CDH2: variants seen among roughly 807,000 people sequenced by gnomAD.
CDH2 encodes cadherin 2, also known as cadherin-2.
Under a neutral mutation model 92.0 loss-of-function variants are expected in CDH2, and 17 were observed. That is an observed-to-expected ratio of 0.18 (90% CI 0.13 to 0.28). The LOEUF (loss-of-function observed/expected upper bound fraction) is 0.28. CDH2 is among the 10% of genes least tolerant of loss of function. CDH2 has a pLI of 1.00. For synonymous variants in CDH2, 419 were observed against 415.9 expected (o/e 1.01, Z -0.09); for missense variants, 862 against 1,133.1 (o/e 0.76, Z 3.44).
chr18:28,161,942 C>T (rs2016312607), intron 1 of CDH2, among the ~76,000 whole-genome samples: 1 of 152,150 alleles, frequency 6.6e-6, no homozygotes, highest in South Asian at 2.1e-4. Flanking sequence ...AGCTATAGGT[C>T]CGTAAGCTTC....
intron 2 of CDH2, among the ~76,000 whole-genome samples, chr18:28,094,364 T>C (rs1029545803): frequency 2.6e-5 from 4 of 152,038 alleles, no homozygotes; most frequent in African/African-American, 7.2e-5. Flanking sequence ...GGTGCAAGTC[T>C]GTAGTCCCAG....
chr18:27,997,879 T>C (rs2012634616), intron 7 of CDH2, among the ~76,000 whole-genome samples: 1 of 152,028 alleles, frequency 6.6e-6, no homozygotes, highest in Non-Finnish European at 1.5e-5. Context: ...CAATCTCGGC[T>C]CACTGCAAGC....
chr18:27,961,309 C>T (rs1015728581), intron 15 of CDH2, among the ~76,000 whole-genome samples: 7 of 151,116 alleles, frequency 4.6e-5, no homozygotes, highest in African/African-American at 7.3e-5. Context: ...CAAGAAATAG[C>T]GCTTGTCCTG....
At chr18:28,153,843 G>A (rs1438832511) in intron 1 of CDH2, among the ~76,000 whole-genome samples, 1 of 152,118 alleles carries the variant, frequency 6.6e-6, no homozygotes, top group East Asian at 1.9e-4. Context: ...ATACTATTGG[G>A]GCAACACGAA....
chr18:28,085,133 C>A (rs370161072), intron 2 of CDH2, among the ~76,000 whole-genome samples: 1 of 152,150 alleles, frequency 6.6e-6, no homozygotes, highest in African/African-American at 2.4e-5. Context: ...TCTAGAGAGA[C>A]AGATTATCCT....
chr18:28,138,251 C>G (rs2015897152), intron 2 of CDH2, among the ~76,000 whole-genome samples: 1 of 152,014 alleles, frequency 6.6e-6, no homozygotes. Context: ...ACCAAAAGGT[C>G]TAACATTTAT....
intron 15 of CDH2, among the ~76,000 whole-genome samples, chr18:27,955,378 AAAAAAAAG>A (rs1909656533): frequency 1.0e-5 from 1 of 95,474 alleles, no homozygotes; most frequent in Non-Finnish European, 2.6e-5. Flanking sequence ...GTAAAAAAAA[AAAAAAAAG>A]AAAAAGAAAG....
intron 2 of CDH2, among the ~76,000 whole-genome samples, chr18:28,093,895 T>A (rs961139391): frequency 6.6e-6 from 1 of 152,130 alleles, no homozygotes; most frequent in African/African-American, 2.4e-5. Context: ...CCCTGAGGCA[T>A]GTTTGGAGGT....
chr18:27,966,103 C>T (rs2011529686), intron 14 of CDH2, among the ~76,000 whole-genome samples: 1 of 149,180 alleles, frequency 6.7e-6, no homozygotes, highest in African/African-American at 2.5e-5. Flanking sequence ...AACTACCAAG[C>T]ACAACAGAGT....
intron 2 of CDH2, among the ~76,000 whole-genome samples, chr18:28,029,682 A>G (rs766974099): frequency 6.6e-6 from 1 of 152,006 alleles, no homozygotes; most frequent in Non-Finnish European, 1.5e-5. Context: ...ATTGCCATAC[A>G]CTGTAACAGG....
intron 9 of CDH2, 59 bp from the exon 10 acceptor site, chr18:27,990,409 G>A: frequency 2.7e-6 from 4 of 1,489,138 alleles, no homozygotes; most frequent in Non-Finnish European, 3.6e-6. Context: ...GCATTCTGTA[G>A]TTTATTCCTC....
intron 2 of CDH2, among the ~76,000 whole-genome samples, chr18:28,132,967 T>G (rs377595461): frequency 2.0e-5 from 3 of 152,308 alleles, no homozygotes; most frequent in East Asian, 3.9e-4. Context: ...GGGAGTATTC[T>G]CCAATTAAAA....
intron 2 of CDH2, among the ~76,000 whole-genome samples, chr18:28,118,014 T>C (rs2015523900): frequency 6.6e-6 from 1 of 152,108 alleles, no homozygotes; most frequent in African/African-American, 2.4e-5. Context: ...AGAGCAGTGA[T>C]GTTCCATCTG....
chr18:28,026,126 T>C (rs1383982273), intron 2 of CDH2, among the ~76,000 whole-genome samples: 1 of 152,198 alleles, frequency 6.6e-6, no homozygotes, highest in Non-Finnish European at 1.5e-5. Flanking sequence ...CAAATTCATG[T>C]AGCCCTGGTC....
At chr18:28,093,002 T>C (rs1052600578) in intron 2 of CDH2, among the ~76,000 whole-genome samples, 2 of 152,160 alleles carry the variant, frequency 1.3e-5, no homozygotes, top group African/African-American at 4.8e-5. Context: ...AGTTGTCACA[T>C]CTGTCCCTCC....
intron 6 of CDH2, among the ~76,000 whole-genome samples, chr18:27,942,144 C>T (rs1909153871): frequency 1.3e-5 from 2 of 152,086 alleles, no homozygotes; most frequent in East Asian, 3.9e-4. Context: ...AGTGTGTATA[C>T]TGGAAGGGCA....
intron 2 of CDH2, among the ~76,000 whole-genome samples, chr18:28,136,386 C>CT (rs75569427): frequency 0.02 from 2,736 of 137,548 alleles, 55 homozygotes; most frequent in African/African-American, 0.057. Context: ...TTGCTGTAAT[C>CT]TTTTTTTTTT....
intron 2 of CDH2, among the ~76,000 whole-genome samples, chr18:28,110,270 C>T (rs886124170): frequency 1.3e-5 from 2 of 152,138 alleles, no homozygotes; most frequent in Non-Finnish European, 2.9e-5. Flanking sequence ...ACAGTGTCTC[C>T]CTACATGGGA....
At chr18:28,130,989 A>C (rs1598495924) in intron 2 of CDH2, among the ~76,000 whole-genome samples, 1 of 152,188 alleles carries the variant, frequency 6.6e-6, no homozygotes, top group East Asian at 1.9e-4. Context: ...CTTTATTTTT[A>C]TTAATAAAAA....
Sources: allele counts gnomAD v4.1 joint callset (sites outside exome capture counted in the v4.1 genomes callset), GRCh38; gene constraint gnomAD v4.1.1; transcripts MANE v1.5; gene names NCBI Gene and HGNC (gene_info 2026-07-23, HGNC 2026-07-21).